The following CEP112 variants were observed in gnomAD, a reference collection of about 807,000 sequenced individuals.
CEP112 encodes the protein centrosomal protein of 112 kDa.
Under a neutral mutation model 153.0 loss-of-function variants are expected in CEP112, and 127 were observed. The ratio of observed to expected loss-of-function variants is 0.83; its 90% CI spans 0.72 to 0.96. CEP112 has a LOEUF of 0.96. Among genes scored for constraint, CEP112 ranks in the 40% least tolerant of loss-of-function variants. The pLI, the probability that CEP112 is intolerant of heterozygous loss-of-function variation, is 0.00. For missense variants in CEP112, 1,089 were observed against 1,101.2 expected (o/e 0.99, Z 0.16); for synonymous variants, 358 against 374.4 (o/e 0.96, Z 0.51).
intron 23 of CEP112, among the ~76,000 whole-genome samples, chr17:65,732,459 C>G (rs1271068367): frequency 6.6e-6 from 1 of 152,184 alleles, no homozygotes; most frequent in East Asian, 1.9e-4. Flanking sequence ...TTAATGAGCC[C>G]TGGCCTTAGT....
At chr17:66,023,015 A>G (rs1269789810) in intron 16 of CEP112, among the ~76,000 whole-genome samples, 2 of 152,090 alleles carry the variant, frequency 1.3e-5, no homozygotes, top group African/African-American at 4.8e-5. Context: ...ACAAAAATAA[A>G]CTAAAAATAA....
rs1450217214 is a variant in CEP112, at chr17:66,005,770, C to G, written c.1657-1G>C. ...CAAGTTCACTCTGCAAGTCATGAGC[C>G]TGCCATGACAAGAACATGGAAAATT... On this transcript the variant is annotated splice_acceptor_variant, in intron 16 of 26. Coordinates refer to ENST00000535342, the MANE Select transcript of CEP112 (RefSeq NM_001199165.4). LOFTEE classifies it high-confidence loss of function. The G allele has an allele frequency of 1.3e-6, 2 of 1,595,610 alleles. No individual in the cohort carries two copies. Among genetic ancestry groups the G allele is most frequent in the African/African-American group, 1.4e-5 (1 of 73,924 alleles).
intron 19 of CEP112, among the ~76,000 whole-genome samples, chr17:65,914,649 C>A (rs1291926916): frequency 6.6e-6 from 1 of 152,104 alleles, no homozygotes; most frequent in African/African-American, 2.4e-5. Flanking sequence ...TCCTTTCTTG[C>A]CAAATTAAGC....
At position 65,715,389 on chromosome 17, in the gene CEP112, G is replaced by A. The variant is rs1301119785; in HGVS notation, c.2608-26171C>T. ...AAAAACAACATAAAACTTTGGGGCA[G>A]AATTTATAGTTAGAGTCCCTGAAGA... On this transcript the variant is annotated intron_variant, in intron 23 of 26. Transcript: ENST00000535342. Among the ~76,000 whole-genome samples, 3 of 152,004 alleles carry A rather than the reference G, an allele frequency of 2.0e-5. No individual in the cohort carries two copies. The East Asian group carries it at 5.8e-4, about 29-fold the overall frequency.
In CEP112 at chr17:66,191,402, T is replaced by C. The variant is rs574188685; in HGVS notation, c.-9+595A>G. On this transcript the variant is annotated intron_variant, in intron 1 of 26. Coordinates refer to ENST00000535342, the MANE Select transcript of CEP112 (RefSeq NM_001199165.4). The surrounding 1 kb of genome is among the most constrained non-coding windows in gnomAD (Gnocchi z 4.2). ...CAGAAAAGCTGTTCACATTTACTTA[T>C]GTCGTTCTCTTGAACACTTAAAAAT... 3.9e-4 allele frequency among the ~76,000 whole-genome samples: 60 copies of C among 152,378 alleles called. No individual in the cohort carries two copies. The highest frequency in any genetic ancestry group is 1.4e-3 in the African/African-American group (57 of 41,602).
intron 4 of CEP112, among the ~76,000 whole-genome samples, chr17:66,133,536 T>G (rs529778840): frequency 6.6e-6 from 1 of 152,278 alleles, no homozygotes; most frequent in East Asian, 1.9e-4. Flanking sequence ...ATGGACTTCA[T>G]CAAAAAGACT....
chr17:65,657,523 G>A (rs2046121409), intron 24 of CEP112, among the ~76,000 whole-genome samples: 2 of 152,276 alleles, frequency 1.3e-5, no homozygotes, highest in South Asian at 4.1e-4. Flanking sequence ...TATGTTGCAA[G>A]GTACATCCCT....
intron 21 of CEP112, among the ~76,000 whole-genome samples, chr17:65,770,922 C>A (rs2053310723): frequency 1.1e-5 from 1 of 86,974 alleles, no homozygotes; most frequent in African/African-American, 4.5e-5. Flanking sequence ...GAGCAAGACT[C>A]CGTCTTAAAA....
At chr17:65,704,930 A>G (rs1357346731) in intron 23 of CEP112, among the ~76,000 whole-genome samples, 1 of 152,264 alleles carries the variant, frequency 6.6e-6, no homozygotes, top group African/African-American at 2.4e-5. Flanking sequence ...AACGTTTATC[A>G]TGCAACCTTT....
At chr17:65,822,608 G>C (rs2056646663) in intron 21 of CEP112, among the ~76,000 whole-genome samples, 1 of 152,134 alleles carries the variant, frequency 6.6e-6, no homozygotes, top group Admixed American at 6.5e-5. Flanking sequence ...AGACACAGAA[G>C]ACAGATTATA....
chr17:65,774,526 C>T (rs953903349), intron 21 of CEP112, among the ~76,000 whole-genome samples: 1 of 152,190 alleles, frequency 6.6e-6, no homozygotes, highest in African/African-American at 2.4e-5. Flanking sequence ...TCCCCACTGC[C>T]CCCTGACCAC....
At chr17:66,135,477 T>C (rs989625706) in intron 4 of CEP112, among the ~76,000 whole-genome samples, 1 of 152,218 alleles carries the variant, frequency 6.6e-6, no homozygotes, top group Admixed American at 6.5e-5. Context: ...CCACACAGAA[T>C]AGCAAGTCCT....
chr17:65,719,028 T>G (rs943327060), intron 23 of CEP112, among the ~76,000 whole-genome samples: 2 of 152,260 alleles, frequency 1.3e-5, no homozygotes, highest in Non-Finnish European at 2.9e-5. Flanking sequence ...AAGTTAAATT[T>G]CTTGTTTTCT....
intron 17 of CEP112, among the ~76,000 whole-genome samples, chr17:65,971,691 T>A (rs1024369950): frequency 6.6e-6 from 1 of 152,178 alleles, no homozygotes; most frequent in Non-Finnish European, 1.5e-5. Flanking sequence ...TACATGCGTG[T>A]ATATTACATG....
intron 6 of CEP112, among the ~76,000 whole-genome samples, chr17:66,110,144 G>T (rs1368307884): frequency 6.6e-6 from 1 of 151,890 alleles, no homozygotes; most frequent in African/African-American, 2.4e-5. Context: ...TGGGTGACGA[G>T]CAAGACTCCG....
At chr17:65,882,613 G>A (rs940280240) in intron 20 of CEP112, among the ~76,000 whole-genome samples, 3 of 152,168 alleles carry the variant, frequency 2.0e-5, no homozygotes, top group Non-Finnish European at 2.9e-5. Context: ...CTTGGGCCAG[G>A]TGCTCTAGTA....
intron 12 of CEP112, among the ~76,000 whole-genome samples, chr17:66,037,533 T>G (rs1417166715): frequency 6.6e-6 from 1 of 152,178 alleles, no homozygotes; most frequent in Non-Finnish European, 1.5e-5. Flanking sequence ...TTATGCATAG[T>G]CTTTCCCCCA....
At chr17:65,855,024 A>G (rs944662436) in intron 20 of CEP112, among the ~76,000 whole-genome samples, 2 of 152,168 alleles carry the variant, frequency 1.3e-5, no homozygotes, top group African/African-American at 4.8e-5. Context: ...CCCTTCCCCA[A>G]AATCAATCCT....
chr17:65,654,793 A>T, intron 24 of CEP112: 3 of 378,066 alleles, frequency 7.9e-6, no homozygotes, highest in Non-Finnish European at 5.1e-6. Context: ...TGGATAACAT[A>T]GTCAAAGGCC....
Sources: allele counts gnomAD v4.1 joint callset (sites outside exome capture counted in the v4.1 genomes callset), GRCh38; gene constraint gnomAD v4.1.1; non-coding constraint Gnocchi (gnomAD v3.1); transcripts MANE v1.5; gene names NCBI Gene and HGNC (gene_info 2026-07-23, HGNC 2026-07-21).